The following PPP2R2B variants were observed in gnomAD, a reference collection of about 807,000 sequenced individuals.
The protein encoded by PPP2R2B is protein phosphatase 2 regulatory subunit Bbeta.
In PPP2R2B, 5 loss-of-function variants were observed where a neutral mutation model predicts 46.0. The ratio of observed to expected loss-of-function variants is 0.11; its 90% confidence interval spans 0.06 to 0.23. PPP2R2B has a LOEUF of 0.23. Among genes scored for constraint, PPP2R2B ranks in the 10% least tolerant of loss-of-function variants. The pLI, the probability that PPP2R2B is intolerant of heterozygous loss-of-function variation, is 1.00. For synonymous variants in PPP2R2B, 215 were observed against 206.7 expected, an observed-to-expected ratio of 1.04 and a Z score of -0.34; for missense variants, 367 against 575.0, an observed-to-expected ratio of 0.64 and a Z score of 3.70.
intron 2 of PPP2R2B, among the ~76,000 whole-genome samples, chr5:146,806,528 C>T (rs1757188551): frequency 6.6e-6 from 1 of 152,182 alleles, no homozygotes; most frequent in Non-Finnish European, 1.5e-5. Context: ...GCTTTTGCTG[C>T]ATGGTCTGCT....
intron 2 of PPP2R2B, among the ~76,000 whole-genome samples, chr5:146,821,944 C>G (rs772704502): frequency 6.6e-6 from 1 of 152,180 alleles, no homozygotes; most frequent in South Asian, 2.1e-4. Flanking sequence ...AAAATACACA[C>G]TGACAACGTA....
At chr5:146,808,276 C>T (rs1025168935) in intron 2 of PPP2R2B, among the ~76,000 whole-genome samples, 1 of 152,156 alleles carries the variant, frequency 6.6e-6, no homozygotes, top group Non-Finnish European at 1.5e-5. Flanking sequence ...GATGACATTT[C>T]AAGGGCTCAA....
At chr5:147,075,436 A>T (rs1404781005) in intron 2 of PPP2R2B, among the ~76,000 whole-genome samples, 3 of 152,144 alleles carry the variant, frequency 2.0e-5, no homozygotes, top group Admixed American at 1.3e-4. Flanking sequence ...CATTCAGTTC[A>T]TTGGTGCCAA....
chr5:146,760,379 C>T (rs992554607), intron 2 of PPP2R2B, among the ~76,000 whole-genome samples: 1 of 152,150 alleles, frequency 6.6e-6, no homozygotes, highest in Non-Finnish European at 1.5e-5. Flanking sequence ...GCAAACTATA[C>T]TGCCTCTATT....
intron 2 of PPP2R2B, among the ~76,000 whole-genome samples, chr5:146,760,243 CA>C (rs1429975554): frequency 2.0e-5 from 3 of 152,140 alleles, no homozygotes; most frequent in Admixed American, 6.5e-5. Context: ...ATATTCCTGG[CA>C]ACCCTATAAG....
At chr5:146,602,491 C>A (rs1016489762) in intron 7 of PPP2R2B, among the ~76,000 whole-genome samples, 2 of 152,110 alleles carry the variant, frequency 1.3e-5, no homozygotes, top group South Asian at 4.1e-4. Context: ...ATGGCTAAAC[C>A]GAATAAGGGT....
intron 2 of PPP2R2B, among the ~76,000 whole-genome samples, chr5:146,762,494 G>T (rs146114415): frequency 1.3e-5 from 2 of 152,218 alleles, no homozygotes; most frequent in African/African-American, 4.8e-5. Context: ...TATTCAAGGT[G>T]CTGTGCTAAG....
chr5:146,621,154 T>C (rs1773664244), intron 7 of PPP2R2B, among the ~76,000 whole-genome samples: 1 of 152,252 alleles, frequency 6.6e-6, no homozygotes, highest in South Asian at 2.1e-4. Flanking sequence ...TGTCTTCTCA[T>C]GGATCAGGCA....
At chr5:146,671,150 C>G (rs1038369051) in intron 5 of PPP2R2B, among the ~76,000 whole-genome samples, 1 of 152,154 alleles carries the variant, frequency 6.6e-6, no homozygotes, top group African/African-American at 2.4e-5. Flanking sequence ...ATATTACTTA[C>G]AGTTGTGTCT....
intron 1 of PPP2R2B, among the ~76,000 whole-genome samples, chr5:147,000,570 G>T (rs1386938781): frequency 2.0e-5 from 3 of 151,850 alleles, no homozygotes; most frequent in African/African-American, 7.3e-5. Flanking sequence ...TAGATCCCTT[G>T]CATGCACAGT....
chr5:146,801,578 A>C (rs1756868053), intron 2 of PPP2R2B, among the ~76,000 whole-genome samples: 1 of 152,146 alleles, frequency 6.6e-6, no homozygotes. Flanking sequence ...GTTCATGCTG[A>C]GGGTGATGGG....
At chr5:146,980,462 C>T (rs1753117701) in intron 1 of PPP2R2B, among the ~76,000 whole-genome samples, 1 of 152,142 alleles carries the variant, frequency 6.6e-6, no homozygotes, top group Non-Finnish European at 1.5e-5. Context: ...TGATCACTGA[C>T]AACCCACCCC....
At chr5:147,033,060 C>A (rs1408958258) in intron 1 of PPP2R2B, among the ~76,000 whole-genome samples, 1 of 151,974 alleles carries the variant, frequency 6.6e-6, no homozygotes, top group Non-Finnish European at 1.5e-5. Context: ...AATTATGAGA[C>A]CATGCTATAG....
At chr5:147,075,455 T>C (rs1757734449) in intron 2 of PPP2R2B, among the ~76,000 whole-genome samples, 1 of 152,176 alleles carries the variant, frequency 6.6e-6, no homozygotes, top group Non-Finnish European at 1.5e-5. Flanking sequence ...AAATACCATC[T>C]GCATGCTGAG....
intron 1 of PPP2R2B, among the ~76,000 whole-genome samples, chr5:147,023,219 C>T (rs577712564): frequency 4.6e-5 from 7 of 151,964 alleles, no homozygotes; most frequent in South Asian, 2.1e-4. Flanking sequence ...TAATATGCTG[C>T]GACAAGTGTA....
chr5:147,008,709 G>A (rs1349425979), intron 1 of PPP2R2B, among the ~76,000 whole-genome samples: 1 of 152,142 alleles, frequency 6.6e-6, no homozygotes, highest in African/African-American at 2.4e-5. Context: ...TTACAGAGGA[G>A]TCAGCCTCAT....
intron 1 of PPP2R2B, among the ~76,000 whole-genome samples, chr5:146,937,625 TG>T (rs1050801918): frequency 6.6e-6 from 1 of 151,960 alleles, no homozygotes; most frequent in African/African-American, 2.4e-5. Flanking sequence ...GGGTTGGCCA[TG>T]TAAAAGCGTG....
chr5:146,974,553 A>T (rs910572871), intron 1 of PPP2R2B, among the ~76,000 whole-genome samples: 2 of 152,162 alleles, frequency 1.3e-5, no homozygotes, highest in South Asian at 2.1e-4. Flanking sequence ...TCACTGGAAG[A>T]GCTGAGGGTA....
chr5:146,904,895 T>C (rs773640256), intron 1 of PPP2R2B, among the ~76,000 whole-genome samples: 6 of 152,092 alleles, frequency 3.9e-5, no homozygotes, highest in Non-Finnish European at 5.9e-5. Flanking sequence ...AGAAAACATA[T>C]ACAAAACATG....
Sources: allele counts gnomAD v4.1 joint callset (sites outside exome capture counted in the v4.1 genomes callset), GRCh38; gene constraint gnomAD v4.1.1; transcripts MANE v1.5; gene names NCBI Gene and HGNC (gene_info 2026-07-23, HGNC 2026-07-21).